The following SAMMSON variants were observed in gnomAD, a reference collection of about 807,000 sequenced individuals.
SAMMSON encodes long intergenic non-protein coding RNA 1212.
intron 9 of SAMMSON, among the ~76,000 whole-genome samples, chr3:70,382,550 A>G (rs1458008063): frequency 6.6e-6 from 1 of 152,060 alleles, no homozygotes; most frequent in Non-Finnish European, 1.5e-5. Context: ...ATTTGTCCCA[A>G]TGAACCAGGA....
At chr3:70,188,017 C>T (rs1701105262) in intron 4 of SAMMSON, among the ~76,000 whole-genome samples, 3 of 152,140 alleles carry the variant, frequency 2.0e-5, no homozygotes, top group Admixed American at 2.0e-4. Context: ...CCACCTTTCC[C>T]CTGGGGAGGC....
intron 4 of SAMMSON, among the ~76,000 whole-genome samples, chr3:70,077,971 T>C (rs140025775): frequency 6.6e-6 from 1 of 152,180 alleles, no homozygotes; most frequent in Non-Finnish European, 1.5e-5. Flanking sequence ...CTGCAACCAC[T>C]CTTGGCATTC....
chr3:70,244,727 G>T (rs1039400793), intron 4 of SAMMSON, among the ~76,000 whole-genome samples: 5 of 152,170 alleles, frequency 3.3e-5, no homozygotes, highest in Admixed American at 3.3e-4. Context: ...GAATCATTAT[G>T]CTCTTATGAA....
intron 6 of SAMMSON, among the ~76,000 whole-genome samples, chr3:70,267,191 TC>T (rs1343595868): frequency 6.6e-6 from 1 of 152,016 alleles, no homozygotes; most frequent in Non-Finnish European, 1.5e-5. Context: ...TATACTTAAT[TC>T]CCCCTTATGT....
intron 6 of SAMMSON, among the ~76,000 whole-genome samples, chr3:70,284,833 A>G (rs1406235356): frequency 2.6e-5 from 4 of 152,084 alleles, no homozygotes; most frequent in Non-Finnish European, 5.9e-5. Context: ...TAGTCTGTAT[A>G]ACAAACCCCC....
intron 6 of SAMMSON, among the ~76,000 whole-genome samples, chr3:70,279,957 T>C (rs182878810): frequency 1.5e-3 from 230 of 152,298 alleles, no homozygotes; most frequent in African/African-American, 5.3e-3. Context: ...CTGTAGTTGT[T>C]TTTTAGGGTT....
intron 9 of SAMMSON, among the ~76,000 whole-genome samples, chr3:70,378,884 C>T (rs1039687908): frequency 1.3e-5 from 2 of 151,976 alleles, no homozygotes; most frequent in South Asian, 2.1e-4. Context: ...TATACATAAA[C>T]GCAGAGTGTT....
At chr3:70,102,342 G>A (rs939486234) in intron 4 of SAMMSON, among the ~76,000 whole-genome samples, 11 of 152,146 alleles carry the variant, frequency 7.2e-5, no homozygotes, top group Non-Finnish European at 1.0e-4. Flanking sequence ...ATCAGCTGAT[G>A]TAAAAATACT....
intron 3 of SAMMSON, among the ~76,000 whole-genome samples, chr3:70,056,727 A>G (rs981565452): frequency 1.3e-5 from 2 of 152,026 alleles, no homozygotes; most frequent in African/African-American, 2.4e-5. Flanking sequence ...ATACAGTGGT[A>G]TTTAAATTAA....
In SAMMSON at chr3:70,225,371, G is replaced by A. The variant is rs149338387; in HGVS notation, n.508-23736G>A. Among the ~76,000 whole-genome samples, 1,383 of 152,236 alleles carry A rather than the reference G, an allele frequency of 9.1e-3. 21 individuals are homozygous for A. Among genetic ancestry groups the A allele is most frequent in the Middle Eastern group, 0.024 (7 of 294 alleles). ...TTTGCAGAGTTCTGCCGTTCAAGTC[G>A]CTAGAATAGAAATGTCATGACTCAG... On this transcript the variant is annotated intron_variant and non_coding_transcript_variant, in intron 4 of 9. Coordinates refer to ENST00000642114, the Ensembl canonical transcript of SAMMSON.
chr3:70,368,311 T>C (rs570837691), intron 9 of SAMMSON, among the ~76,000 whole-genome samples: 2 of 151,620 alleles, frequency 1.3e-5, no homozygotes, highest in East Asian at 3.9e-4. Context: ...AAACATTTAA[T>C]GTTAAACCAA....
chr3:70,035,311 CT>C (rs1490216699), intron 3 of SAMMSON, among the ~76,000 whole-genome samples: 2 of 152,124 alleles, frequency 1.3e-5, no homozygotes, highest in African/African-American at 4.8e-5. Flanking sequence ...GCTTTTCACA[CT>C]GAAAATCTAT....
chr3:70,292,383 C>T (rs1361321410), intron 7 of SAMMSON, among the ~76,000 whole-genome samples: 1 of 152,104 alleles, frequency 6.6e-6, no homozygotes, highest in African/African-American at 2.4e-5. Flanking sequence ...CAGCTAAATC[C>T]ACTATGCCTG....
At chr3:70,171,401 G>C (rs1700946257) in intron 4 of SAMMSON, among the ~76,000 whole-genome samples, 1 of 151,770 alleles carries the variant, frequency 6.6e-6, no homozygotes, top group Admixed American at 6.6e-5. Context: ...TCTCCTGGAA[G>C]ATATTGTGAA....
At chr3:70,010,382 A>T (rs2066948879) in intron 1 of SAMMSON, among the ~76,000 whole-genome samples, 2 of 152,048 alleles carry the variant, frequency 1.3e-5, no homozygotes, top group Non-Finnish European at 2.9e-5. Context: ...TGTTCCCTTT[A>T]CCATTATGTA....
intron 4 of SAMMSON, among the ~76,000 whole-genome samples, chr3:70,236,294 C>A (rs1701608175): frequency 6.6e-6 from 1 of 152,168 alleles, no homozygotes; most frequent in Non-Finnish European, 1.5e-5. Flanking sequence ...ACTTTAAACT[C>A]CCTGCACTTA....
chr3:70,269,571 G>C (rs1196539353), intron 6 of SAMMSON, among the ~76,000 whole-genome samples: 2 of 152,058 alleles, frequency 1.3e-5, no homozygotes, highest in African/African-American at 2.4e-5. Context: ...GAGTCTCTCT[G>C]AACCAATTTT....
At chr3:70,104,480 G>T (rs1232297680) in intron 4 of SAMMSON, among the ~76,000 whole-genome samples, 4 of 152,048 alleles carry the variant, frequency 2.6e-5, no homozygotes, top group African/African-American at 9.7e-5. Flanking sequence ...AGAAGTAAAA[G>T]CCCTAGGTAA....
At chr3:70,060,112 G>T (rs1282123034) in intron 3 of SAMMSON, among the ~76,000 whole-genome samples, 1 of 152,074 alleles carries the variant, frequency 6.6e-6, no homozygotes, top group African/African-American at 2.4e-5. Context: ...AGAAAATTGG[G>T]ATTTGTTGAG....
Sources: allele counts gnomAD v4.1 joint callset (sites outside exome capture counted in the v4.1 genomes callset), GRCh38; gene constraint gnomAD v4.1.1; transcripts MANE v1.5; gene names NCBI Gene and HGNC (gene_info 2026-07-23, HGNC 2026-07-21).